Variants in ITPR1 observed in about 807,000 individuals in gnomAD.
ITPR1 encodes the protein inositol 1,4,5-trisphosphate-gated calcium channel ITPR1.
Under a neutral mutation model 318.4 loss-of-function variants are expected in ITPR1, and 96 were observed. The observed-to-expected ratio is 0.30, with a 90% CI of 0.26 to 0.36. The LOEUF is 0.36. Among genes scored for constraint, ITPR1 ranks in the 10% least tolerant of loss-of-function variants. ITPR1 has a pLI of 1.00. For missense variants in ITPR1, 2,440 were observed against 3,460.2 expected (o/e 0.71, Z 7.40); for synonymous variants, 1,312 against 1,289.9 (o/e 1.02, Z -0.37).
intron 4 of ITPR1, among the ~76,000 whole-genome samples, chr3:4,597,702 G>A (rs372333267): frequency 4.6e-5 from 7 of 152,304 alleles, no homozygotes; most frequent in South Asian, 2.1e-4. Context: ...TCAGTGACCC[G>A]GTTTGGCTAG....
intron 2 of ITPR1, among the ~76,000 whole-genome samples, chr3:4,501,251 A>G (rs1559346386): frequency 6.6e-6 from 1 of 152,172 alleles, no homozygotes; most frequent in Non-Finnish European, 1.5e-5. Context: ...GTATGTTGCA[A>G]CAAAATTCTT....
chr3:4,547,472 C>T (rs1447259947), intron 4 of ITPR1, among the ~76,000 whole-genome samples: 1 of 152,182 alleles, frequency 6.6e-6, no homozygotes, highest in African/African-American at 2.4e-5. Context: ...ATGGATTTGT[C>T]CCCCTTAATT....
intron 52 of ITPR1, among the ~76,000 whole-genome samples, chr3:4,791,164 G>T (rs962843857): frequency 6.6e-6 from 1 of 152,146 alleles, no homozygotes; most frequent in African/African-American, 2.4e-5. Context: ...CTAGGCTGTG[G>T]TTATTTAAAT....
chr3:4,679,523 G>A (rs575764507), intron 24 of ITPR1, among the ~76,000 whole-genome samples: 8 of 152,296 alleles, frequency 5.3e-5, no homozygotes, highest in Non-Finnish European at 7.4e-5. Flanking sequence ...CAGAACAGGT[G>A]GATTCGGTCT....
chr3:4,767,270 A>G (rs6766817), intron 45 of ITPR1, among the ~76,000 whole-genome samples: 3 of 152,216 alleles, frequency 2.0e-5, no homozygotes, highest in Admixed American at 1.3e-4. Flanking sequence ...TTGTTACAGG[A>G]CTGTCTGGCT....
intron 61 of ITPR1, among the ~76,000 whole-genome samples, chr3:4,843,258 ATG>A (rs1171237151): frequency 2.6e-5 from 4 of 152,140 alleles, no homozygotes; most frequent in Non-Finnish European, 5.9e-5. Context: ...TATCAGTCAA[ATG>A]TGTGTGCCTA....
At chr3:4,561,047 CGAG>C (rs1229047469) in intron 4 of ITPR1, among the ~76,000 whole-genome samples, 2 of 152,144 alleles carry the variant, frequency 1.3e-5, no homozygotes, top group African/African-American at 4.8e-5. Flanking sequence ...GTCCATAGAA[CGAG>C]GAGGAGAATC....
chr3:4,680,427 G>A (rs2094274931), intron 24 of ITPR1, 126 bp from the exon 25 acceptor site: 3 of 768,774 alleles, frequency 3.9e-6, no homozygotes, highest in East Asian at 2.5e-5. Flanking sequence ...CAAATACTTG[G>A]CTCACTTAGT....
rs866533121 is a variant in ITPR1, at chr3:4,794,604, G to T, written c.6809-461G>T. ...CAGCCCTAGTCTGGGGCCCAGCGGG[G>T]CTGACTCTGAATGCTGTATCTCCCC... On this transcript the variant is annotated intron_variant, in intron 52 of 61. Coordinates refer to ENST00000649015, the MANE Select transcript of ITPR1 (RefSeq NM_001378452.1). Among the ~76,000 whole-genome samples the T allele has an allele frequency of 1.7e-4, 26 of 152,304 alleles. No individual in the cohort carries two copies. In the Middle Eastern group the frequency reaches 0.01, roughly 60 times the overall value.
intron 44 of ITPR1, among the ~76,000 whole-genome samples, chr3:4,752,338 G>A (rs2044599214): frequency 6.6e-6 from 1 of 152,274 alleles, no homozygotes. Flanking sequence ...ATCCCTCCCG[G>A]GCTGTAGTTA....
intron 4 of ITPR1, among the ~76,000 whole-genome samples, chr3:4,617,556 T>C (rs750153553): frequency 1.3e-4 from 20 of 152,206 alleles, no homozygotes; most frequent in Non-Finnish European, 1.8e-4. Context: ...TACCATTACA[T>C]TGACAATTAA....
chr3:4,791,625 T>C (rs772279157), intron 52 of ITPR1, among the ~76,000 whole-genome samples: 10 of 152,210 alleles, frequency 6.6e-5, no homozygotes, highest in African/African-American at 2.4e-4. Flanking sequence ...TAAGGTACAG[T>C]GAGGAATTCA....
intron 2 of ITPR1, among the ~76,000 whole-genome samples, chr3:4,504,886 T>C (rs900086729): frequency 6.6e-6 from 1 of 152,086 alleles, no homozygotes; most frequent in East Asian, 1.9e-4. Flanking sequence ...TTGTGCTCAC[T>C]CTGTAGGGAG....
chr3:4,602,214 C>T (rs909185968), intron 4 of ITPR1, among the ~76,000 whole-genome samples: 2 of 152,288 alleles, frequency 1.3e-5, no homozygotes, highest in Middle Eastern at 3.4e-3. Flanking sequence ...TGAAAACATA[C>T]GTCTACATAA....
intron 4 of ITPR1, among the ~76,000 whole-genome samples, chr3:4,608,963 T>G (rs58681254): frequency 0.08 from 10,714 of 133,514 alleles, 706 homozygotes; most frequent in African/African-American, 0.19. Context: ...GATCACGCAC[T>G]GCACTCCAGC....
rs1450833855 is a variant in ITPR1 at position 4,609,058 on chromosome 3, AT to A, written c.164-18704del. 9.9e-5 allele frequency among the ~76,000 whole-genome samples: 7 copies of A among 70,706 alleles called. 1 individual carries two copies. In the African/African-American group the frequency reaches 1.0e-3, roughly 10 times the overall value. 46.4% of individuals were successfully genotyped at this position (70,706 alleles called of 152,430 possible). ...AAACAACAACAACAACGAAATATAT[AT>A]ATATATATATATATATATATATATA... On this transcript the variant is annotated intron_variant, in intron 4 of 61. Transcript: ENST00000649015.
intron 2 of ITPR1, among the ~76,000 whole-genome samples, chr3:4,508,769 G>T (rs926473400): frequency 5.9e-5 from 9 of 152,090 alleles, no homozygotes; most frequent in African/African-American, 2.2e-4. Context: ...TGCCAGCAGG[G>T]GACCTAGATT....
At chr3:4,767,665 T>C (rs1166722428) in intron 45 of ITPR1, among the ~76,000 whole-genome samples, 4 of 152,226 alleles carry the variant, frequency 2.6e-5, no homozygotes, top group African/African-American at 9.6e-5. Flanking sequence ...ACTGCAAGTA[T>C]GCACCACTAC....
chr3:4,581,612 T>C (rs1274271619), intron 4 of ITPR1, among the ~76,000 whole-genome samples: 1 of 152,204 alleles, frequency 6.6e-6, no homozygotes, highest in Non-Finnish European at 1.5e-5. Context: ...TATTTTTGCT[T>C]TGTGCAGACT....
Sources: gnomAD v4.1 joint callset for allele counts (sites outside exome capture counted in the v4.1 genomes callset) on GRCh38, gnomAD v4.1.1 for gene constraint, MANE v1.5 for transcripts, NCBI Gene and HGNC (gene_info 2026-07-23, HGNC 2026-07-21) for gene names.